The following TAPT1 variants were observed in gnomAD, a reference collection of about 807,000 sequenced individuals.
TAPT1 encodes transmembrane anterior posterior transformation protein 1 homolog.
TAPT1 carries 28 observed loss-of-function variants against 65.6 expected under a neutral mutation model. That is an observed-to-expected ratio of 0.43 (90% CI 0.32 to 0.59). The LOEUF (loss-of-function observed/expected upper bound fraction) is 0.59, where lower values mean the gene tolerates loss of function less well. Ranked by LOEUF, TAPT1 falls within the 20% of genes least tolerant of loss-of-function variation. The probability of loss-of-function intolerance (pLI) is 0.09; values close to 1 mark genes in which losing one functional copy is unlikely to be tolerated. For missense variants in TAPT1, 563 were observed against 679.9 expected (o/e 0.83, Z 1.91); for synonymous variants, 278 against 245.2 (o/e 1.13, Z -1.25).
rs144475362 is a variant in TAPT1 at position 16,188,513 on chromosome 4, A to G, written c.613-158T>C. Among the ~76,000 whole-genome samples, 442 of 152,344 alleles carry G rather than the reference A, an allele frequency of 2.9e-3. 3 individuals carry two copies. Among genetic ancestry groups the G allele is most frequent in the Non-Finnish European group, 4.2e-3 (284 of 68,034 alleles). The stretch of plus-strand genomic sequence containing the variant: ...GATCTTTGTTTACTTATTCACTCAC[A>G]TTTCTTTATTCTTTAACAAATAGTA... On this transcript the variant is annotated intron_variant, in intron 4 of 13. Transcript: ENST00000405303.
chr4:16,197,159 C>T (rs1749757471), intron 3 of TAPT1, among the ~76,000 whole-genome samples: 1 of 152,172 alleles, frequency 6.6e-6, no homozygotes, highest in South Asian at 2.1e-4. Flanking sequence ...ATGGGATAAA[C>T]TCTCAAAAGA....
intron 9 of TAPT1, among the ~76,000 whole-genome samples, chr4:16,175,868 G>A (rs1229924593): frequency 6.6e-6 from 1 of 152,176 alleles, no homozygotes; most frequent in African/African-American, 2.4e-5. Context: ...AGTGTTAACT[G>A]ATCAGAATGA....
At chr4:16,191,318 G>A in intron 4 of TAPT1, 43 bp downstream of exon 4, 1 of 1,551,892 alleles carries the variant, frequency 6.4e-7, no homozygotes, top group Non-Finnish European at 8.7e-7. Context: ...ACTTGAAGCT[G>A]AGTGCCCTGG....
At chr4:16,193,796 C>T (rs1308700267) in intron 3 of TAPT1, among the ~76,000 whole-genome samples, 1 of 152,158 alleles carries the variant, frequency 6.6e-6, no homozygotes, top group African/African-American at 2.4e-5. Flanking sequence ...TACTGAAAGT[C>T]ACACATCATC....
intron 3 of TAPT1, among the ~76,000 whole-genome samples, chr4:16,197,852 AT>A (rs966448682): frequency 2.1e-4 from 32 of 150,592 alleles, no homozygotes; most frequent in African/African-American, 2.9e-4. Flanking sequence ...GCATTTTCTA[AT>A]TTTTTTTTTA....
At chr4:16,177,024 C>A (rs1748376789) in intron 8 of TAPT1, among the ~76,000 whole-genome samples, 1 of 152,138 alleles carries the variant, frequency 6.6e-6, no homozygotes, top group Non-Finnish European at 1.5e-5. Flanking sequence ...TATATTTGCT[C>A]ACCATTATGA....
At position 16,188,350 on chromosome 4, in the gene TAPT1, A is replaced by G; in HGVS notation, c.618T>C (p.Ala206=). Residue 206 remains alanine, a synonymous_variant, in exon 5 of 14, where the codon GCT becomes GCC. Coordinates refer to ENST00000405303, the MANE Select transcript of TAPT1 (RefSeq NM_153365.3). The stretch of plus-strand genomic sequence containing the variant: ...GTCCAAAAGATGAAAACAGACGATC[A>G]GCTACCTAAAAAAAAAAATTATTTG... ...LYIIYNMLEV[A]DRLFSSFGQD... is the part of the protein sequence containing the mutation. 6.4e-7 allele frequency: 1 copy of G among 1,571,990 alleles called. No individual in the cohort carries two copies. The highest frequency in any genetic ancestry group is 8.6e-7 in the Non-Finnish European group (1 of 1,166,408).
At chr4:16,205,084 A>G (rs181281274) in intron 2 of TAPT1, among the ~76,000 whole-genome samples, 1 of 152,146 alleles carries the variant, frequency 6.6e-6, no homozygotes, top group Admixed American at 6.5e-5. Context: ...ATAAACAAGT[A>G]AAAACGCCAG....
chr4:16,199,227 G>C (rs866721385), intron 3 of TAPT1, among the ~76,000 whole-genome samples: 6 of 152,210 alleles, frequency 3.9e-5, no homozygotes, highest in Middle Eastern at 6.8e-3. Context: ...GTATTTATTA[G>C]TGATAGCATG....
At chr4:16,196,756 T>C (rs1002030404) in intron 3 of TAPT1, 18 of 1,149,352 alleles carry the variant, frequency 1.6e-5, no homozygotes, top group African/African-American at 3.2e-5. Context: ...AGAGAGAAGA[T>C]TGTAATGTTG....
At position 16,180,978 on chromosome 4, in the gene TAPT1, G is replaced by A. The variant is rs746979562; in HGVS notation, c.917-1321C>T. ...CCTCTTTAGGAGGCAGGGCACCTCCGGAGCAAGGCCATGTGGATTTTCAGG... is the reference window on the plus strand; with the variant it reads ...CCTCTTTAGGAGGCAGGGCACCTCCAGAGCAAGGCCATGTGGATTTTCAGG... On this transcript the variant is annotated intron_variant, in intron 7 of 13. Coordinates refer to ENST00000405303, the MANE Select transcript of TAPT1 (RefSeq NM_153365.3). Among the ~76,000 whole-genome samples the A allele has an allele frequency of 4.5e-4, 69 of 152,198 alleles. 1 individual carries two copies. The highest frequency in any genetic ancestry group is 6.8e-4 in the Non-Finnish European group (46 of 68,040).
At chr4:16,166,485 T>C (rs1747628930) in intron 13 of TAPT1, 148 bp downstream of exon 13, 1 of 916,880 alleles carries the variant, frequency 1.1e-6, no homozygotes, top group Non-Finnish European at 1.6e-6. Context: ...CAGGTATATA[T>C]GGGATGAAAT....
chr4:16,212,512 C>T (rs1210533397), intron 2 of TAPT1, among the ~76,000 whole-genome samples: 1 of 152,196 alleles, frequency 6.6e-6, no homozygotes, highest in African/African-American at 2.4e-5. Flanking sequence ...TTTCCCCAAA[C>T]AAAATCTTCG....
intron 12 of TAPT1, 172 bp from the exon 13 acceptor site, chr4:16,166,965 G>A (rs2149665022): frequency 1.2e-5 from 5 of 413,920 alleles, no homozygotes; most frequent in South Asian, 4.9e-5. Flanking sequence ...TTGTCACAAA[G>A]AAAAACTTCG....
intron 1 of TAPT1, 119 bp downstream of exon 1, chr4:16,226,140 G>T: frequency 1.0e-6 from 1 of 1,002,846 alleles, no homozygotes; most frequent in Non-Finnish European, 1.2e-6. Flanking sequence ...AGCCTGGGGA[G>T]CCCCGGGAGG....
intron 2 of TAPT1, among the ~76,000 whole-genome samples, chr4:16,212,384 C>T (rs1259356353): frequency 6.6e-6 from 1 of 152,240 alleles, no homozygotes; most frequent in African/African-American, 2.4e-5. Flanking sequence ...ACACTTCCAT[C>T]TCATGGCTTA....
At chr4:16,195,686 G>C (rs1468296115) in intron 3 of TAPT1, among the ~76,000 whole-genome samples, 1 of 152,018 alleles carries the variant, frequency 6.6e-6, no homozygotes, top group African/African-American at 2.4e-5. Flanking sequence ...ATTTTACATT[G>C]TACAATTTAC....
intron 3 of TAPT1, among the ~76,000 whole-genome samples, chr4:16,200,487 G>A (rs1039114942): frequency 4.6e-5 from 7 of 151,994 alleles, no homozygotes; most frequent in Non-Finnish European, 7.4e-5. Context: ...ACCATGTCTG[G>A]CTAATTTTTT....
Position 16,210,874 on chromosome 4 carries a change from C to T in TAPT1, c.330+2894G>A, listed in dbSNP as rs182521514. Among the ~76,000 whole-genome samples the T allele has an allele frequency of 6.2e-4, 95 of 152,114 alleles. 1 individual carries two copies. The highest frequency in any genetic ancestry group is 2.1e-3 in the African/African-American group (88 of 41,502). ...AAGAGAAGAAATGTCTCTCAAAAGCCAATAAAACACTCCAAAATTATATAC... is the reference window on the plus strand; with the variant it reads ...AAGAGAAGAAATGTCTCTCAAAAGCTAATAAAACACTCCAAAATTATATAC... On this transcript the variant is annotated intron_variant, in intron 2 of 13. Coordinates refer to ENST00000405303, the MANE Select transcript of TAPT1 (RefSeq NM_153365.3).
Sources: gnomAD v4.1 joint callset for allele counts (sites outside exome capture counted in the v4.1 genomes callset) on GRCh38, gnomAD v4.1.1 for gene constraint, MANE v1.5 for transcripts, NCBI Gene and HGNC (gene_info 2026-07-23, HGNC 2026-07-21) for gene names.